Variants in WASF2 observed in about 807,000 individuals in gnomAD.
WASF2 encodes the protein WASP family member 2.
WASF2 carries 14 observed loss-of-function variants against 45.0 expected under a neutral mutation model. The observed-to-expected ratio is 0.31, with a 90% CI of 0.21 to 0.49. The LOEUF (loss-of-function observed/expected upper bound fraction) is 0.49. WASF2 is among the 20% of genes least tolerant of loss of function. WASF2 has a pLI of 0.99. For synonymous variants in WASF2, 200 were observed against 236.3 expected, an observed-to-expected ratio of 0.85 and a Z score of 1.41; for missense variants, 439 against 636.1, an observed-to-expected ratio of 0.69 and a Z score of 3.33.
Position 27,408,322 on chromosome 1 carries a change from T to C in WASF2, c.1364A>G (p.Glu455Gly), listed in dbSNP as rs752699982. The change falls in exon 9 of 9, where the codon GAG becomes GGG. Residue 455 changes from glutamate (E) to glycine (G), a missense_variant. By Grantham distance (98) the Glu-to-Gly change is moderately conservative. Around this residue, in one of 5 missense-constraint regions of WASF2, gnomAD observed 286 missense variants for 373.5 expected, o/e 0.77. Transcript: ENST00000618852. ...RQGFQLRRVE[E>G]QREQEKRDVV... ...ATCCCGCTTCTCTTGTTCCCGCTGC[T>C]CCTCAACCCTGCGCAGCTGAAAACC... 1.9e-6 allele frequency: 3 copies of C among 1,614,134 alleles called. No homozygotes were observed. The highest frequency in any genetic ancestry group is 1.7e-6 in the Non-Finnish European group (2 of 1,180,024).
At chr1:27,435,459 A>G (rs868102694) in intron 1 of WASF2, among the ~76,000 whole-genome samples, 3 of 152,038 alleles carry the variant, frequency 2.0e-5, no homozygotes, top group Non-Finnish European at 4.4e-5. Flanking sequence ...GTGGTGCTAC[A>G]TGCCTATAGT....
intron 1 of WASF2, among the ~76,000 whole-genome samples, chr1:27,473,779 G>A (rs941008407): frequency 1.3e-5 from 2 of 152,150 alleles, no homozygotes; most frequent in African/African-American, 4.8e-5. Context: ...ATTTAAGAAA[G>A]ATTAATAAAA....
At chr1:27,448,841 CAAAA>C (rs11371995) in intron 1 of WASF2, among the ~76,000 whole-genome samples, 2 of 67,042 alleles carry the variant, frequency 3.0e-5, no homozygotes. Flanking sequence ...GACCTCATCT[CAAAA>C]AAAAAAAAAA....
intron 1 of WASF2, among the ~76,000 whole-genome samples, chr1:27,468,010 T>C (rs2017639270): frequency 6.6e-6 from 1 of 151,952 alleles, no homozygotes; most frequent in African/African-American, 2.4e-5. Flanking sequence ...CTCAGCTCAC[T>C]GCAACCTCCA....
Position 27,450,118 on chromosome 1 carries a change from C to T in WASF2, c.-43-21185G>A, listed in dbSNP as rs565059685. Among the ~76,000 whole-genome samples, 8 of 151,182 alleles carry T rather than the reference C, an allele frequency of 5.3e-5. No homozygotes were observed. The East Asian group carries it at 1.4e-3, about 26-fold the overall frequency. ...GAGATCACGCCATTGCACTCCAGCC[C>T]GGGCAACAGAGCAAGACTCCGTCTC... On this transcript the variant is annotated intron_variant, in intron 1 of 8. Coordinates refer to ENST00000618852, the MANE Select transcript of WASF2 (RefSeq NM_006990.5).
intron 1 of WASF2, among the ~76,000 whole-genome samples, chr1:27,471,645 A>C (rs749082428): frequency 4.6e-5 from 7 of 152,230 alleles, no homozygotes; most frequent in South Asian, 2.1e-4. Flanking sequence ...CACACACACA[A>C]AGAGTAGATG....
chr1:27,488,029 T>C (rs1342433121), intron 1 of WASF2, among the ~76,000 whole-genome samples: 1 of 151,972 alleles, frequency 6.6e-6, no homozygotes, highest in African/African-American at 2.4e-5. Context: ...CTTAAAGATA[T>C]CTGAACAGGA....
chr1:27,429,080 T>G, intron 1 of WASF2, 147 bp from the exon 2 acceptor site: 1 of 746,494 alleles, frequency 1.3e-6, no homozygotes, highest in Non-Finnish European at 2.1e-6. Context: ...TCTTTTTTTT[T>G]CTTTCATTTT....
chr1:27,416,862 A>G (rs776632976), intron 4 of WASF2, among the ~76,000 whole-genome samples: 4 of 152,228 alleles, frequency 2.6e-5, no homozygotes, highest in Non-Finnish European at 5.9e-5. Context: ...GGAATCTTGC[A>G]TTTTGGCATG....
At chr1:27,419,465 A>G (rs1490030831) in intron 2 of WASF2, among the ~76,000 whole-genome samples, 4 of 152,218 alleles carry the variant, frequency 2.6e-5, no homozygotes, top group Non-Finnish European at 5.9e-5. Flanking sequence ...AAATACAAAA[A>G]TTAGACAGGC....
intron 1 of WASF2, among the ~76,000 whole-genome samples, chr1:27,435,280 A>T (rs555267553): frequency 1.3e-5 from 1 of 77,274 alleles, no homozygotes; most frequent in African/African-American, 5.0e-5. Context: ...ACCTTTGGTC[A>T]GTATAAAGTT....
intron 1 of WASF2, among the ~76,000 whole-genome samples, chr1:27,487,078 A>ATT (rs2148148501): frequency 6.8e-6 from 1 of 147,276 alleles, no homozygotes; most frequent in South Asian, 2.1e-4. Context: ...TAAAATATAG[A>ATT]TTATATATAT....
intron 1 of WASF2, among the ~76,000 whole-genome samples, chr1:27,471,339 T>C (rs1198107401): frequency 1.6e-5 from 2 of 122,328 alleles, no homozygotes; most frequent in African/African-American, 3.5e-5. Context: ...AGCGAGACTC[T>C]GTCTCAAAAA....
At chr1:27,438,577 G>T (rs7532531) in intron 1 of WASF2, among the ~76,000 whole-genome samples, 14 of 152,226 alleles carry the variant, frequency 9.2e-5, no homozygotes, top group Non-Finnish European at 1.8e-4. Context: ...GGAAAAGATG[G>T]TTGCAGAGCA....
intron 2 of WASF2, 34 bp downstream of exon 2, chr1:27,428,725 CCT>C: frequency 1.2e-6 from 2 of 1,613,832 alleles, no homozygotes; most frequent in Middle Eastern, 1.6e-4. Context: ...ACCAACGACC[CCT>C]GAGGGCAAAG....
At chr1:27,443,823 G>A (rs563090765) in intron 1 of WASF2, among the ~76,000 whole-genome samples, 251 of 151,844 alleles carry the variant, frequency 1.7e-3, no homozygotes, top group African/African-American at 4.7e-3. Context: ...CTTTTGCCCC[G>A]GCTGGAGTGC....
chr1:27,480,774 G>C (rs1430698422), intron 1 of WASF2, among the ~76,000 whole-genome samples: 8 of 152,166 alleles, frequency 5.3e-5, no homozygotes, highest in Non-Finnish European at 1.5e-5. Flanking sequence ...CAGCACTTTG[G>C]GAGGCCGAGG....
At chr1:27,438,379 G>A (rs1322735185) in intron 1 of WASF2, among the ~76,000 whole-genome samples, 3 of 152,192 alleles carry the variant, frequency 2.0e-5, no homozygotes, top group South Asian at 4.1e-4. Flanking sequence ...GAAGAGGAAG[G>A]AGATAATAAG....
intron 2 of WASF2, among the ~76,000 whole-genome samples, chr1:27,420,723 A>G (rs2016897627): frequency 1.3e-5 from 2 of 151,660 alleles, no homozygotes; most frequent in Non-Finnish European, 2.9e-5. Flanking sequence ...GGGTTTCATC[A>G]TGTTGGCCAG....
Sources: gnomAD v4.1 joint callset for allele counts (sites outside exome capture counted in the v4.1 genomes callset) on GRCh38, gnomAD v4.1.1 for gene constraint, gnomAD v4.1.1 regional missense constraint, MANE v1.5 for transcripts, NCBI Gene and HGNC (gene_info 2026-07-23, HGNC 2026-07-21) for gene names.